MAEL: variants seen among roughly 807,000 people sequenced by gnomAD.
MAEL encodes the protein maelstrom spermatogenic transposon silencer.
MAEL carries 46 observed loss-of-function variants against 62.0 expected under a neutral mutation model. The ratio of observed to expected loss-of-function variants is 0.74; its 90% confidence interval spans 0.59 to 0.95. The LOEUF (loss-of-function observed/expected upper bound fraction) is 0.95. Among genes scored for constraint, MAEL ranks in the 40% least tolerant of loss-of-function variants. The pLI is 0.00. For synonymous variants in MAEL, 172 were observed against 175.5 expected, an observed-to-expected ratio of 0.98 and a Z score of 0.16; for missense variants, 497 against 526.8, an observed-to-expected ratio of 0.94 and a Z score of 0.55.
intron 1 of MAEL, among the ~76,000 whole-genome samples, chr1:166,978,693 T>C (rs528051048): frequency 7.1e-4 from 108 of 152,228 alleles, no homozygotes; most frequent in Non-Finnish European, 1.2e-3. Context: ...TATCTTTTTG[T>C]TCTCCTGAGA....
chr1:166,978,632 C>A (rs1446714345), intron 1 of MAEL, among the ~76,000 whole-genome samples: 1 of 152,182 alleles, frequency 6.6e-6, no homozygotes, highest in Non-Finnish European at 1.5e-5. Flanking sequence ...TGCAGTTTAA[C>A]CACTTTCCCC....
chr1:166,993,932 C>A, intron 4 of MAEL, 96 bp from the exon 5 acceptor site: 1 of 835,448 alleles, frequency 1.2e-6, no homozygotes, highest in South Asian at 1.9e-5. Context: ...TAAAAATTAC[C>A]TTTCTGTGTG....
chr1:166,978,958 G>C (rs181358555), intron 1 of MAEL, among the ~76,000 whole-genome samples: 218 of 151,598 alleles, frequency 1.4e-3, no homozygotes, highest in Non-Finnish European at 2.3e-3. Flanking sequence ...GGACTAACAG[G>C]CTGCTTCAGC....
intron 1 of MAEL, among the ~76,000 whole-genome samples, chr1:166,982,392 C>G (rs1280897154): frequency 6.6e-6 from 1 of 152,162 alleles, no homozygotes; most frequent in African/African-American, 2.4e-5. Context: ...ATCATGGAAT[C>G]TATTTCATAG....
At chr1:166,978,330 C>A (rs1663656288) in intron 1 of MAEL, among the ~76,000 whole-genome samples, 1 of 152,112 alleles carries the variant, frequency 6.6e-6, no homozygotes, top group African/African-American at 2.4e-5. Context: ...CAATGTGTGC[C>A]CCTCCATCAC....
intron 5 of MAEL, among the ~76,000 whole-genome samples, chr1:166,999,663 A>T (rs776709992): frequency 1.3e-5 from 2 of 152,242 alleles, no homozygotes; most frequent in African/African-American, 2.4e-5. Flanking sequence ...TTCAACGAAA[A>T]TGAAACCACC....
chr1:166,996,507 TAC>T (rs943208304), intron 5 of MAEL, among the ~76,000 whole-genome samples: 1 of 152,228 alleles, frequency 6.6e-6, no homozygotes, highest in Non-Finnish European at 1.5e-5. Context: ...AGGAAGCTTC[TAC>T]ACACAGAACA....
intron 5 of MAEL, among the ~76,000 whole-genome samples, chr1:166,996,691 G>C (rs999912921): frequency 3.9e-5 from 6 of 152,100 alleles, no homozygotes; most frequent in Non-Finnish European, 8.8e-5. Context: ...TTTGAATTTT[G>C]TGTATTTCTT....
At chr1:167,006,639 ATT>A (rs529814044) in intron 8 of MAEL, among the ~76,000 whole-genome samples, 3 of 86,550 alleles carry the variant, frequency 3.5e-5, no homozygotes, top group Non-Finnish European at 4.9e-5. Context: ...ATATATATAC[ATT>A]TTTTTTTTTT....
chr1:166,989,531 G>C, intron 1 of MAEL, 47 bp downstream of exon 1: 1 of 1,564,722 alleles, frequency 6.4e-7, no homozygotes, highest in Non-Finnish European at 8.7e-7. Context: ...AGTTGGGCAA[G>C]CCGGAGGGTG....
intron 8 of MAEL, among the ~76,000 whole-genome samples, chr1:167,013,589 G>A (rs1300504534): frequency 6.6e-6 from 1 of 152,192 alleles, no homozygotes; most frequent in East Asian, 1.9e-4. Context: ...AGGGCTATTA[G>A]TTTGCTTTTG....
chr1:167,017,777 T>TAAA (rs748951067), intron 9 of MAEL, 50 bp from the exon 10 acceptor site: 1 of 1,526,904 alleles, frequency 6.5e-7, no homozygotes, highest in Non-Finnish European at 8.9e-7. Context: ...CAAATACTTT[T>TAAA]AGTTGAATTA....
intron 8 of MAEL, among the ~76,000 whole-genome samples, chr1:167,011,409 T>G (rs996908643): frequency 6.6e-6 from 1 of 152,192 alleles, no homozygotes; most frequent in African/African-American, 2.4e-5. Context: ...ATATTTGGAT[T>G]TATGTACCAT....
intron 5 of MAEL, among the ~76,000 whole-genome samples, chr1:167,003,588 T>C (rs749653558): frequency 6.6e-5 from 10 of 152,354 alleles, no homozygotes; most frequent in Admixed American, 2.0e-4. Context: ...TCTTCTGGAA[T>C]TGGCAAATGA....
intron 2 of MAEL, 42 bp from the exon 3 acceptor site, chr1:166,991,336 C>A (rs747699120): frequency 7.7e-7 from 1 of 1,295,574 alleles, no homozygotes; most frequent in Non-Finnish European, 1.1e-6. Context: ...CTAAAAGTGC[C>A]CAGCAAGAGT....
chr1:167,014,012 C>T (rs1490847920), intron 8 of MAEL, among the ~76,000 whole-genome samples: 1 of 152,184 alleles, frequency 6.6e-6, no homozygotes, highest in East Asian at 1.9e-4. Context: ...AGTCCAGAGC[C>T]TCTCCAGAGT....
chr1:166,993,951 G>T, intron 4 of MAEL, 77 bp from the exon 5 acceptor site: 1 of 1,057,738 alleles, frequency 9.5e-7, no homozygotes, highest in Non-Finnish European at 1.4e-6. Context: ...TGATAACTTG[G>T]TCATCTTGTA....
chr1:166,997,739 T>C (rs945458496), intron 5 of MAEL, among the ~76,000 whole-genome samples: 14 of 152,132 alleles, frequency 9.2e-5, no homozygotes, highest in Non-Finnish European at 1.6e-4. Flanking sequence ...TGTGTCGATA[T>C]TTTTTATCAT....
intron 5 of MAEL, 126 bp downstream of exon 5, chr1:166,994,195 G>C (rs1056809219): frequency 1.4e-5 from 11 of 796,568 alleles, no homozygotes; most frequent in African/African-American, 1.1e-4. Context: ...TAGAGAATCT[G>C]CATAGATGTG....
Sources: gnomAD v4.1 joint callset for allele counts (sites outside exome capture counted in the v4.1 genomes callset) on GRCh38, gnomAD v4.1.1 for gene constraint, MANE v1.5 for transcripts, NCBI Gene and HGNC (gene_info 2026-07-23, HGNC 2026-07-21) for gene names.